BCAS3: variants seen among roughly 807,000 people sequenced by gnomAD.
BCAS3 encodes BCAS3 microtubule associated cell migration factor.
In BCAS3, 53 loss-of-function variants were observed where a neutral mutation model predicts 116.1. The observed-to-expected ratio is 0.46, with a 90% CI of 0.37 to 0.57. BCAS3 has a LOEUF of 0.57. Among genes scored for constraint, BCAS3 ranks in the 20% least tolerant of loss-of-function variants. The pLI is 0.00. For synonymous variants in BCAS3, 391 were observed against 408.2 expected (o/e 0.96, Z 0.51); for missense variants, 917 against 1,165.4 (o/e 0.79, Z 3.10).
intron 14 of BCAS3, among the ~76,000 whole-genome samples, chr17:60,957,368 G>C (rs1018790432): frequency 2.0e-5 from 3 of 152,036 alleles, no homozygotes; most frequent in African/African-American, 7.2e-5. Flanking sequence ...TTTGTTTTTA[G>C]TGTGAACATG....
intron 5 of BCAS3, among the ~76,000 whole-genome samples, chr17:60,741,751 G>C (rs76024746): frequency 6.6e-6 from 1 of 152,078 alleles, no homozygotes; most frequent in African/African-American, 2.4e-5. Flanking sequence ...ACTCTTGTAC[G>C]TTGCTGGTGG....
At chr17:61,075,416 G>A (rs1337952571) in intron 20 of BCAS3, among the ~76,000 whole-genome samples, 7 of 152,168 alleles carry the variant, frequency 4.6e-5, no homozygotes, top group Non-Finnish European at 1.0e-4. Context: ...CTGGTTTCAA[G>A]CGATTCTCAT....
Position 60,816,279 on chromosome 17 carries a change from CT to C in BCAS3, c.476+8217del, listed in dbSNP as rs537982584. The stretch of plus-strand genomic sequence containing the variant: ...TATAACTTTTCTTTCTTTTTCTTTT[CT>C]TTTTTTTTTTTTTGAGACGGAGTCT... On this transcript the variant is annotated intron_variant, in intron 7 of 23. Transcript: ENST00000407086. Among the ~76,000 whole-genome samples the C allele has an allele frequency of 3.7e-3, 524 of 140,022 alleles. 7 individuals carry two copies. The highest frequency in any genetic ancestry group is 9.7e-3 in the African/African-American group (355 of 36,676). 91.9% of individuals were successfully genotyped at this position (140,022 alleles called of 152,430 possible). A position where few individuals can be genotyped will look rare whatever the true frequency, so the allele number is the denominator to read the frequency against.
chr17:60,873,654 G>C (rs1282254199), intron 8 of BCAS3, among the ~76,000 whole-genome samples: 1 of 152,108 alleles, frequency 6.6e-6, no homozygotes, highest in East Asian at 1.9e-4. Context: ...TGGGCATTGA[G>C]AAAAATACTG....
rs1176028690 is a variant in BCAS3 at position 61,020,506 on chromosome 17, A to G, written c.1637+4605A>G. Among the ~76,000 whole-genome samples the G allele has an allele frequency of 6.6e-6, 1 of 152,224 alleles. No homozygotes were observed. Among genetic ancestry groups the G allele is most frequent in the African/African-American group, 2.4e-5 (1 of 41,464 alleles). On this transcript the variant is annotated intron_variant, in intron 16 of 23. Transcript: ENST00000407086. The surrounding 1 kb of genome is among the most constrained non-coding windows in gnomAD (Gnocchi z 4.5). ...ATTTGGCTCCAATAATCACCCATTC[A>G]AACAGACTCTGTTTTCTTTCAGTTT...
Position 60,983,508 on chromosome 17 carries a change from G to A in BCAS3, c.1222-6463G>A, listed in dbSNP as rs1433361794. ...CTAGTATCTTTAGCAGTCCTTCTCT[G>A]CTCATTTATATATGCTGATATGTCT... is the stretch of plus-strand genomic sequence containing the variant. On this transcript the variant is annotated intron_variant, in intron 14 of 23. Coordinates refer to ENST00000407086, the MANE Select transcript of BCAS3 (RefSeq NM_017679.5). Among the ~76,000 whole-genome samples, 9 of 152,146 alleles carry A rather than the reference G, an allele frequency of 5.9e-5. No homozygotes were observed. The East Asian group carries it at 1.5e-3, about 26-fold the overall frequency.
In BCAS3 at chr17:61,241,774, TTACC is replaced by T. The variant is rs1018846938; in HGVS notation, c.2426-126550_2426-126547del. Among the ~76,000 whole-genome samples, 129 of 152,246 alleles carry T rather than the reference TTACC, an allele frequency of 8.5e-4. 1 individual carries two copies. The highest frequency in any genetic ancestry group is 2.8e-3 in the African/African-American group (115 of 41,570). ...GGTAAAATGAGTCTAAAAAATGTAC[TTACC>T]TATTTTTTCTCTACTAACATCATTT... On this transcript the variant is annotated intron_variant, in intron 22 of 23. Transcript: ENST00000407086. The surrounding 1 kb of genome is among the most constrained non-coding windows in gnomAD (Gnocchi z 4.6).
At chr17:60,758,681 C>T (rs966437789) in intron 6 of BCAS3, among the ~76,000 whole-genome samples, 11 of 152,056 alleles carry the variant, frequency 7.2e-5, no homozygotes, top group African/African-American at 2.4e-4. Context: ...CGCACCCGGC[C>T]GCTTTTCTAG....
intron 22 of BCAS3, among the ~76,000 whole-genome samples, chr17:61,135,559 G>C (rs1482093216): frequency 2.0e-5 from 3 of 152,222 alleles, no homozygotes; most frequent in Non-Finnish European, 4.4e-5. Flanking sequence ...TAACTGATCA[G>C]CTAGCTGACT....
At chr17:60,807,424 G>A (rs934729595) in intron 6 of BCAS3, among the ~76,000 whole-genome samples, 1 of 152,030 alleles carries the variant, frequency 6.6e-6, no homozygotes, top group Admixed American at 6.6e-5. Flanking sequence ...GGTATGGGAT[G>A]GTTTTCTGAT....
chr17:60,927,993 AT>A (rs2145172623), intron 13 of BCAS3, among the ~76,000 whole-genome samples: 1 of 152,326 alleles, frequency 6.6e-6, no homozygotes, highest in African/African-American at 2.4e-5. Context: ...CACTACAGAA[AT>A]GTTTTAGAAC....
intron 22 of BCAS3, among the ~76,000 whole-genome samples, chr17:61,297,356 G>C (rs914889779): frequency 6.6e-6 from 1 of 152,142 alleles, no homozygotes; most frequent in African/African-American, 2.4e-5. Context: ...GAACAGCCGA[G>C]AGAAAGGGAA....
intron 19 of BCAS3, among the ~76,000 whole-genome samples, chr17:61,045,866 AATATATATAAATATATATTATATATAT>A (rs2068041681): frequency 1.5e-4 from 5 of 33,844 alleles, no homozygotes; most frequent in South Asian, 1.1e-3. Flanking sequence ...TATATATATA[AATATATATAAATATATATTATATATAT>A]AATATATATA....
chr17:61,299,226 G>A (rs932354765), intron 22 of BCAS3, among the ~76,000 whole-genome samples: 1 of 151,840 alleles, frequency 6.6e-6, no homozygotes, highest in Non-Finnish European at 1.5e-5. Flanking sequence ...GGTGGATCAC[G>A]AGGTCCGGAG....
chr17:60,802,371 C>CTT (rs1555724686), intron 6 of BCAS3, among the ~76,000 whole-genome samples: 2 of 111,946 alleles, frequency 1.8e-5, no homozygotes, highest in African/African-American at 7.5e-5. Context: ...TACATACATA[C>CTT]ATATATATAT....
At chr17:60,769,179 G>A (rs1023509905) in intron 6 of BCAS3, among the ~76,000 whole-genome samples, 1 of 152,186 alleles carries the variant, frequency 6.6e-6, no homozygotes, top group African/African-American at 2.4e-5. Context: ...CTGGCTGGAT[G>A]AGTAGACTTG....
At chr17:61,058,355 C>G (rs1192923964) in intron 19 of BCAS3, among the ~76,000 whole-genome samples, 1 of 152,140 alleles carries the variant, frequency 6.6e-6, no homozygotes, top group African/African-American at 2.4e-5. Flanking sequence ...TTATACTACG[C>G]TTTCTTTGTA....
At chr17:60,932,859 A>C (rs577552554) in intron 13 of BCAS3, among the ~76,000 whole-genome samples, 1 of 151,984 alleles carries the variant, frequency 6.6e-6, no homozygotes, top group East Asian at 1.9e-4. Flanking sequence ...AAACTGAAAT[A>C]TGTAATAGAT....
At chr17:60,868,160 G>C (rs973767554) in intron 7 of BCAS3, among the ~76,000 whole-genome samples, 2 of 151,864 alleles carry the variant, frequency 1.3e-5, no homozygotes, top group Non-Finnish European at 2.9e-5. Flanking sequence ...GAGAAGCTGG[G>C]ACTACAGGCA....
Sources: allele counts gnomAD v4.1 joint callset (sites outside exome capture counted in the v4.1 genomes callset), GRCh38; gene constraint gnomAD v4.1.1; non-coding constraint Gnocchi (gnomAD v3.1); transcripts MANE v1.5; gene names NCBI Gene and HGNC (gene_info 2026-07-23, HGNC 2026-07-21).